RASSF2: variants seen among roughly 807,000 people sequenced by gnomAD.
RASSF2 encodes the protein Ras association domain family member 2.
Under a neutral mutation model 46.3 loss-of-function variants are expected in RASSF2, and 34 were observed. The ratio of observed to expected loss-of-function variants is 0.73; its 90% confidence interval spans 0.56 to 0.98. The LOEUF is 0.98. RASSF2 is among the 50% of genes least tolerant of loss of function. The pLI is 0.00. For synonymous variants in RASSF2, 158 were observed against 162.5 expected, an observed-to-expected ratio of 0.97 and a Z score of 0.21; for missense variants, 364 against 431.2, an observed-to-expected ratio of 0.84 and a Z score of 1.38.
chr20:4,821,337 C>T (rs934455596), intron 2 of RASSF2, among the ~76,000 whole-genome samples: 1 of 152,042 alleles, frequency 6.6e-6, no homozygotes, highest in South Asian at 2.1e-4. Flanking sequence ...AGTGAGGCCA[C>T]GCTCAGGGAA....
chr20:4,784,626 A>C (rs1925141951), intron 11 of RASSF2, among the ~76,000 whole-genome samples: 1 of 151,868 alleles, frequency 6.6e-6, no homozygotes, highest in Admixed American at 6.6e-5. Context: ...GGTAAAAAAA[A>C]ACAACAGCAA....
At chr20:4,799,293 T>G (rs923822179) in intron 3 of RASSF2, among the ~76,000 whole-genome samples, 18 of 152,076 alleles carry the variant, frequency 1.2e-4, no homozygotes, top group African/African-American at 4.3e-4. Context: ...AGAGAGGAGA[T>G]TTCACCCCCT....
chr20:4,787,784 T>C, intron 9 of RASSF2, 30 bp from the exon 10 acceptor site: 1 of 1,613,700 alleles, frequency 6.2e-7, no homozygotes, highest in African/African-American at 1.3e-5. Flanking sequence ...GGAGCAGCCC[T>C]GAGAGGCCTT....
chr20:4,799,687 G>T (rs894744107), intron 3 of RASSF2, among the ~76,000 whole-genome samples: 1 of 152,240 alleles, frequency 6.6e-6, no homozygotes, highest in African/African-American at 2.4e-5. Flanking sequence ...GAAAATCATT[G>T]GTTGGTAGAA....
intron 2 of RASSF2, among the ~76,000 whole-genome samples, chr20:4,804,466 T>A (rs1361704547): frequency 1.3e-5 from 2 of 150,170 alleles, no homozygotes; most frequent in Non-Finnish European, 2.9e-5. Context: ...GCCTCCTGAG[T>A]AGCTGGGATT....
At chr20:4,818,923 C>A (rs564258174) in intron 2 of RASSF2, among the ~76,000 whole-genome samples, 155 of 152,258 alleles carry the variant, frequency 1.0e-3, no homozygotes, top group African/African-American at 3.6e-3. Flanking sequence ...TATTATAATT[C>A]CCATCTTACA....
chr20:4,814,152 A>G (rs917145884), intron 2 of RASSF2, among the ~76,000 whole-genome samples: 23 of 152,128 alleles, frequency 1.5e-4, no homozygotes, highest in African/African-American at 5.6e-4. Flanking sequence ...CCTCCTGTCC[A>G]ATAACTACAG....
intron 2 of RASSF2, among the ~76,000 whole-genome samples, chr20:4,813,134 G>A (rs116171522): frequency 0.02 from 3,074 of 152,106 alleles, 91 homozygotes; most frequent in African/African-American, 0.069. Context: ...CACAGGCCCC[G>A]CAGACCATCC....
intron 2 of RASSF2, among the ~76,000 whole-genome samples, chr20:4,801,956 T>C (rs1926906853): frequency 6.6e-6 from 1 of 152,162 alleles, no homozygotes; most frequent in African/African-American, 2.4e-5. Context: ...GCCAGGCTGG[T>C]CTCAAACTCC....
At chr20:4,805,777 G>A (rs547959353) in intron 2 of RASSF2, among the ~76,000 whole-genome samples, 9 of 152,280 alleles carry the variant, frequency 5.9e-5, no homozygotes, top group Admixed American at 2.0e-4. Flanking sequence ...TCGTGATGTG[G>A]AAAGCACACC....
At chr20:4,792,888 G>A (rs1926025469) in intron 5 of RASSF2, 1 of 570,486 alleles carries the variant, frequency 1.8e-6, no homozygotes, top group East Asian at 3.6e-5. Flanking sequence ...AGCAACTGCA[G>A]TAACACACCC....
rs1925046832 is a variant in RASSF2 at position 4,783,860 on chromosome 20, A to G, written c.*413T>C. ...CTTGAGAGGAGAAATCTTTCCTTCA[A>G]CCTAAATACCACTCAGATCAGTGGC... On this transcript the variant is annotated 3_prime_UTR_variant, in exon 12 of 12. Coordinates refer to ENST00000379400, the MANE Select transcript of RASSF2 (RefSeq NM_014737.3). 6.0e-6 allele frequency: 1 copy of G among 166,310 alleles called. No homozygotes were observed. Among genetic ancestry groups the G allele is most frequent in the African/African-American group, 2.4e-5 (1 of 42,060 alleles). 10.3% of individuals were successfully genotyped at this position (166,310 alleles called of 1,614,324 possible). A position where few individuals can be genotyped will look rare whatever the true frequency, so the allele number is the denominator to read the frequency against.
Position 4,790,427 on chromosome 20 carries a change from T to A in RASSF2, c.537+24A>T. ...CTACCCAGGAAGAGGTCTTCCACCC[T>A]CCCCGTCCCCCTGTCCACCTTACCT... On this transcript the variant is annotated intron_variant, in intron 7 of 11. Transcript: ENST00000379400. This position sits in a 1 kb window ranked among gnomAD's most constrained non-coding sequence, Gnocchi z 4.3. The A allele has an allele frequency of 7.0e-7, 1 of 1,431,140 alleles. No homozygotes were observed. 88.7% of individuals were successfully genotyped at this position (1,431,140 alleles called of 1,614,324 possible).
rs537214306 is a variant in RASSF2 at position 4,795,354 on chromosome 20, G to A, written c.287+461C>T. The A allele has an allele frequency of 3.1e-4, 47 of 153,220 alleles. No homozygotes were observed. The highest frequency in any genetic ancestry group is 1.0e-3 in the African/African-American group (43 of 41,572). 9.5% of individuals were successfully genotyped at this position (153,220 alleles called of 1,614,324 possible). ...CCTGACATTCCTTTTCCTCTTCTAG[G>A]TTCCCCCAAGATTCAGAGAGCTTTG... is the stretch of plus-strand genomic sequence containing the variant. On this transcript the variant is annotated intron_variant, in intron 5 of 11. Coordinates refer to ENST00000379400, the MANE Select transcript of RASSF2 (RefSeq NM_014737.3). This position sits in a 1 kb window ranked among gnomAD's most constrained non-coding sequence, Gnocchi z 4.0.
rs1444732447 is a variant in RASSF2 at position 4,787,632 on chromosome 20, C to A, written c.813+1G>T. The A allele has an allele frequency of 6.2e-7, 1 of 1,614,176 alleles. No individual in the cohort carries two copies. The highest frequency in any genetic ancestry group is 1.7e-5 in the Admixed American group (1 of 60,024). On this transcript the variant is annotated splice_donor_variant, in intron 10 of 11. Transcript: ENST00000379400. LOFTEE classifies it high-confidence loss of function. ...GATCGCCTGACCCAAAGGGAACTCA[C>A]GTCGTAGGTGACTTCCTCCACCTGG...
At chr20:4,791,131 A>G (rs1925840444) in intron 6 of RASSF2, among the ~76,000 whole-genome samples, 1 of 152,222 alleles carries the variant, frequency 6.6e-6, no homozygotes, top group African/African-American at 2.4e-5. Context: ...CTTATATGAG[A>G]TACTTAGAGT....
chr20:4,798,238 A>G (rs1277938145), intron 3 of RASSF2, among the ~76,000 whole-genome samples, 153 bp from the exon 4 acceptor site: 1 of 152,132 alleles, frequency 6.6e-6, no homozygotes, highest in Non-Finnish European at 1.5e-5. Context: ...ACATGCACAC[A>G]GAGTTCTGCC....
rs1471833197 is a variant in RASSF2 at position 4,783,555 on chromosome 20, A to C, written c.*718T>G. ...CTCTTCACAGGTTTCCACATAGAAC[A>C]TCACATATGTCTTTGTCATTTAAAA... On this transcript the variant is annotated 3_prime_UTR_variant, in exon 12 of 12. Coordinates refer to ENST00000379400, the MANE Select transcript of RASSF2 (RefSeq NM_014737.3). 1 of 152,702 alleles carries C rather than the reference A, an allele frequency of 6.5e-6. No individual in the cohort carries two copies. The highest frequency in any genetic ancestry group is 1.5e-5 in the Non-Finnish European group (1 of 68,064). The allele number at this position is 152,702 out of a possible 1,614,324, so 9.5% of individuals were successfully genotyped here.
In RASSF2 at chr20:4,796,016, G is replaced by C. The variant is rs370653544; in HGVS notation, c.136-50C>G. The C allele has an allele frequency of 3.4e-5, 49 of 1,449,868 alleles. No homozygotes were observed. In the African/African-American group the frequency reaches 6.4e-4, roughly 19 times the overall value. The allele number at this position is 1,449,868 out of a possible 1,614,324, so 89.8% of individuals were successfully genotyped here. On this transcript the variant is annotated intron_variant, in intron 4 of 11. Coordinates refer to ENST00000379400, the MANE Select transcript of RASSF2 (RefSeq NM_014737.3). ...TGAGCCTAGAAAAGCCCCCACAGAAGCCAAGACCATGCTGAGGGACAAATG... is the reference window on the plus strand; with the variant it reads ...TGAGCCTAGAAAAGCCCCCACAGAACCCAAGACCATGCTGAGGGACAAATG...
Sources: gnomAD v4.1 joint callset for allele counts (sites outside exome capture counted in the v4.1 genomes callset) on GRCh38, gnomAD v4.1.1 for gene constraint, Gnocchi (gnomAD v3.1) non-coding constraint, MANE v1.5 for transcripts, NCBI Gene and HGNC (gene_info 2026-07-23, HGNC 2026-07-21) for gene names.